UNC5D: variants seen among roughly 807,000 people sequenced by gnomAD.
UNC5D encodes netrin receptor UNC5D.
Under a neutral mutation model 105.4 loss-of-function variants are expected in UNC5D, and 39 were observed. The observed-to-expected ratio is 0.37, with a 90% CI of 0.29 to 0.48. The LOEUF (loss-of-function observed/expected upper bound fraction) is 0.48, where lower values mean the gene tolerates loss of function less well. Ranked by LOEUF, UNC5D falls within the 20% of genes least tolerant of loss-of-function variation. UNC5D has a pLI of 0.98. For synonymous variants in UNC5D, 452 were observed against 450.4 expected, an observed-to-expected ratio of 1.00 and a Z score of -0.04; for missense variants, 991 against 1,202.4, an observed-to-expected ratio of 0.82 and a Z score of 2.60.
At chr8:35,346,062 T>C (rs1026967288) in intron 1 of UNC5D, among the ~76,000 whole-genome samples, 4 of 152,064 alleles carry the variant, frequency 2.6e-5, no homozygotes, top group Non-Finnish European at 5.9e-5. Flanking sequence ...AGTTCAAAAA[T>C]GCTTTGCTTT....
rs535763594 is a variant in UNC5D at position 35,616,120 on chromosome 8, C to T, written c.570+20463C>T. Among the ~76,000 whole-genome samples, 657 of 152,300 alleles carry T rather than the reference C, an allele frequency of 4.3e-3. 4 individuals carry two copies. The highest frequency in any genetic ancestry group is 7.3e-3 in the Non-Finnish European group (498 of 68,032). On this transcript the variant is annotated intron_variant, in intron 4 of 16. Coordinates refer to ENST00000404895, the MANE Select transcript of UNC5D (RefSeq NM_080872.4). ...ACCGAATCTTCCCAACTTTTTGAAG[C>T]GCCTAGATGCCAGTTTTATAAATAA...
At chr8:35,702,921 G>T (rs564022743) in intron 7 of UNC5D, among the ~76,000 whole-genome samples, 1 of 152,144 alleles carries the variant, frequency 6.6e-6, no homozygotes, top group South Asian at 2.1e-4. Flanking sequence ...TAGAGAAGTG[G>T]CCGTTTGAAT....
intron 1 of UNC5D, among the ~76,000 whole-genome samples, chr8:35,487,549 G>GTC (rs796721087): frequency 1.8e-3 from 241 of 136,762 alleles, no homozygotes; most frequent in African/African-American, 3.2e-3. Context: ...CAATCTCTCT[G>GTC]TCTCTCTCTC....
At chr8:35,573,723 T>TTG (rs147884493) in intron 3 of UNC5D, among the ~76,000 whole-genome samples, 9 of 151,450 alleles carry the variant, frequency 5.9e-5, no homozygotes, top group South Asian at 2.1e-4. Context: ...CATGGTCCAG[T>TTG]TGTGTGTGTG....
intron 1 of UNC5D, among the ~76,000 whole-genome samples, chr8:35,491,669 G>T (rs888536566): frequency 4.6e-5 from 7 of 152,042 alleles, no homozygotes; most frequent in African/African-American, 1.7e-4. Context: ...TTACTGGTTT[G>T]CAGCATCTAG....
At chr8:35,328,267 G>A (rs1181049756) in intron 1 of UNC5D, among the ~76,000 whole-genome samples, 5 of 152,106 alleles carry the variant, frequency 3.3e-5, no homozygotes, top group African/African-American at 1.2e-4. Context: ...TATTAGAGCT[G>A]TTTAATAATC....
At chr8:35,338,935 G>GGCT (rs150692000) in intron 1 of UNC5D, among the ~76,000 whole-genome samples, 3,510 of 152,024 alleles carry the variant, frequency 0.023, 140 homozygotes, top group African/African-American at 0.082. Flanking sequence ...TGTACCTTGG[G>GGCT]GCTGCTGTTT....
At chr8:35,451,318 C>T (rs1808139021) in intron 1 of UNC5D, among the ~76,000 whole-genome samples, 1 of 152,150 alleles carries the variant, frequency 6.6e-6, no homozygotes, top group Admixed American at 6.5e-5. Context: ...GCTGGAATTA[C>T]AGGCATGAGC....
At chr8:35,752,547 T>C (rs7000366) in intron 13 of UNC5D, among the ~76,000 whole-genome samples, 16,184 of 152,016 alleles carry the variant, frequency 0.11, 2,487 homozygotes, top group African/African-American at 0.34. Context: ...ACAAAAGGGG[T>C]GGCTTTCAAA....
intron 9 of UNC5D, among the ~76,000 whole-genome samples, chr8:35,724,938 GAAA>G (rs11429724): frequency 2.6e-5 from 4 of 151,448 alleles, no homozygotes; most frequent in Non-Finnish European, 4.4e-5. Context: ...CTCATGCATG[GAAA>G]AAAAATAATA....
chr8:35,330,486 G>T (rs1428740101), intron 1 of UNC5D, among the ~76,000 whole-genome samples: 3 of 152,174 alleles, frequency 2.0e-5, no homozygotes, highest in African/African-American at 7.2e-5. Context: ...GTTCAAAACT[G>T]CTAGCTGATG....
At position 35,595,582 on chromosome 8, in the gene UNC5D, A is replaced by G. The variant is rs1347116495; in HGVS notation, c.495A>G (p.Pro165=). Residue 165 remains proline, a synonymous_variant, in exon 4 of 17, where the codon CCA becomes CCG. Coordinates refer to ENST00000404895, the MANE Select transcript of UNC5D (RefSeq NM_080872.4). ...AYLRKNFEQD[P]QGREVPIEGM... ...TACGGAAAAACTTTGAACAAGACCCACAAGGAAGGGAAGTTCCCATTGAAG... is the reference window on the plus strand; with the variant it reads ...TACGGAAAAACTTTGAACAAGACCCGCAAGGAAGGGAAGTTCCCATTGAAG... 1 of 1,614,090 alleles carries G rather than the reference A, an allele frequency of 6.2e-7. No homozygotes were observed. Among genetic ancestry groups the G allele is most frequent in the Non-Finnish European group, 8.5e-7 (1 of 1,179,970 alleles).
intron 1 of UNC5D, among the ~76,000 whole-genome samples, chr8:35,460,968 T>C (rs1808844498): frequency 6.6e-6 from 1 of 152,228 alleles, no homozygotes; most frequent in Admixed American, 6.5e-5. Flanking sequence ...CGATTCTCCT[T>C]ATTGAACAGA....
chr8:35,760,043 T>TC (rs1251002774), intron 14 of UNC5D, among the ~76,000 whole-genome samples: 3 of 150,212 alleles, frequency 2.0e-5, no homozygotes, highest in African/African-American at 7.3e-5. Flanking sequence ...ACTTTTTCTT[T>TC]TTTTTTTTTT....
chr8:35,743,602 AT>A (rs142317647), intron 11 of UNC5D, among the ~76,000 whole-genome samples: 7,646 of 149,682 alleles, frequency 0.051, 534 homozygotes, highest in African/African-American at 0.16. Flanking sequence ...AAAAAAAAAA[AT>A]TTTTTTTAAA....
chr8:35,501,525 G>A (rs1342895263), intron 1 of UNC5D, among the ~76,000 whole-genome samples: 1 of 152,198 alleles, frequency 6.6e-6, no homozygotes, highest in African/African-American at 2.4e-5. Context: ...CACAGTCAAA[G>A]CTTAGCTGAA....
chr8:35,662,636 A>G (rs1824180141), intron 4 of UNC5D, among the ~76,000 whole-genome samples: 1 of 152,122 alleles, frequency 6.6e-6, no homozygotes, highest in South Asian at 2.1e-4. Flanking sequence ...CCCCACTAAC[A>G]TTTTTCCATG....
chr8:35,342,373 C>T (rs1045269234), intron 1 of UNC5D, among the ~76,000 whole-genome samples: 2 of 152,064 alleles, frequency 1.3e-5, no homozygotes, highest in Admixed American at 6.6e-5. Flanking sequence ...TGTCATGTTA[C>T]CTTCTGATTT....
intron 1 of UNC5D, among the ~76,000 whole-genome samples, chr8:35,367,804 A>G (rs1427493002): frequency 6.6e-6 from 1 of 152,174 alleles, no homozygotes; most frequent in Non-Finnish European, 1.5e-5. Context: ...TTGTTCTACC[A>G]AATGAGTCAA....
Sources: allele counts gnomAD v4.1 joint callset (sites outside exome capture counted in the v4.1 genomes callset), GRCh38; gene constraint gnomAD v4.1.1; transcripts MANE v1.5; gene names NCBI Gene and HGNC (gene_info 2026-07-23, HGNC 2026-07-21).